VTA1: variants seen among roughly 807,000 people sequenced by gnomAD.
VTA1 encodes vacuolar protein sorting-associated protein VTA1 homolog.
VTA1 carries 24 observed loss-of-function variants against 36.9 expected under a neutral mutation model. The observed-to-expected ratio is 0.65, with a 90% CI of 0.47 to 0.91. The LOEUF is 0.91. Ranked by LOEUF, VTA1 falls within the 40% of genes least tolerant of loss-of-function variation. The pLI, the probability that VTA1 is intolerant of heterozygous loss-of-function variation, is 0.00. For missense variants in VTA1, 393 were observed against 377.2 expected (o/e 1.04, Z -0.35); for synonymous variants, 142 against 130.2 (o/e 1.09, Z -0.62).
intron 4 of VTA1, among the ~76,000 whole-genome samples, chr6:142,174,928 C>G (rs11961155): frequency 6.6e-6 from 1 of 152,146 alleles, no homozygotes; most frequent in South Asian, 2.1e-4. Flanking sequence ...AGAAGCCAAG[C>G]AGATGCTGGG....
intron 5 of VTA1, among the ~76,000 whole-genome samples, chr6:142,191,055 C>A (rs1775446568): frequency 6.6e-6 from 1 of 152,020 alleles, no homozygotes; most frequent in African/African-American, 2.4e-5. Context: ...TTTTATTATA[C>A]TGATAGGTTC....
chr6:142,181,094 A>AAAAAATATATATATATATATAT (rs1471429927), intron 4 of VTA1, among the ~76,000 whole-genome samples: 25 of 36,384 alleles, frequency 6.9e-4, no homozygotes, highest in South Asian at 1.4e-3. Flanking sequence ...AAAAAAAAAA[A>AAAAAATATATATATATATATAT]ATATATATAT....
intron 3 of VTA1, among the ~76,000 whole-genome samples, chr6:142,170,128 G>C (rs529180836): frequency 1.1e-4 from 16 of 152,154 alleles, no homozygotes; most frequent in African/African-American, 3.9e-4. Context: ...AAAAAATCTT[G>C]ACGTAGCGCA....
chr6:142,149,743 T>C (rs775876093), intron 1 of VTA1, among the ~76,000 whole-genome samples: 2 of 152,178 alleles, frequency 1.3e-5, no homozygotes, highest in Non-Finnish European at 2.9e-5. Flanking sequence ...GGACTTAACC[T>C]TCTGATTTTA....
intron 7 of VTA1, among the ~76,000 whole-genome samples, chr6:142,204,290 TAC>T (rs1437194804): frequency 6.6e-6 from 1 of 152,216 alleles, no homozygotes; most frequent in African/African-American, 2.4e-5. Flanking sequence ...CCCCTTTTGT[TAC>T]AGTTCTTTTT....
At chr6:142,203,134 C>G (rs1029377601) in intron 6 of VTA1, among the ~76,000 whole-genome samples, 3 of 151,960 alleles carry the variant, frequency 2.0e-5, no homozygotes, top group African/African-American at 7.2e-5. Context: ...TTCTAGAACT[C>G]TCAGTGGATA....
chr6:142,205,467 T>C (rs893660818), intron 7 of VTA1, among the ~76,000 whole-genome samples: 2 of 152,178 alleles, frequency 1.3e-5, no homozygotes, highest in Non-Finnish European at 2.9e-5. Flanking sequence ...CAAAATAATT[T>C]TTAAATATGT....
In VTA1 at chr6:142,222,435, A is replaced by G. The variant is rs955482108; in HGVS notation, c.*3792A>G. The G allele has an allele frequency of 6.6e-6, 1 of 152,222 alleles. No homozygotes were observed. The highest frequency in any genetic ancestry group is 6.5e-5 in the Admixed American group (1 of 15,292). 9.4% of individuals were successfully genotyped at this position (152,222 alleles called of 1,614,324 possible). On this transcript the variant is annotated 3_prime_UTR_variant, in exon 8 of 8. Coordinates refer to ENST00000367630, the MANE Select transcript of VTA1 (RefSeq NM_016485.5). The stretch of plus-strand genomic sequence containing the variant: ...AGCATGGCCTAGGAAGTTTACTGAC[A>G]TCAGGACTACACCAAGAAAAAGACT...
At position 142,220,034 on chromosome 6, in the gene VTA1, T is replaced by C. The variant is rs1776077638; in HGVS notation, c.*1391T>C. ...AAAACAAATCACTAACTCATAATCA[T>C]TTATATCCATTATTTTCTGCATAAA... On this transcript the variant is annotated 3_prime_UTR_variant, in exon 8 of 8. Transcript: ENST00000367630. 1 of 152,188 alleles carries C rather than the reference T, an allele frequency of 6.6e-6. No homozygotes were observed. Among genetic ancestry groups the C allele is most frequent in the African/African-American group, 2.4e-5 (1 of 41,444 alleles). 9.4% of individuals were successfully genotyped at this position (152,188 alleles called of 1,614,324 possible). A position where few individuals can be genotyped will look rare whatever the true frequency, so the allele number is the denominator to read the frequency against.
chr6:142,152,423 C>T (rs1200140633), intron 1 of VTA1, among the ~76,000 whole-genome samples: 2 of 151,886 alleles, frequency 1.3e-5, no homozygotes, highest in African/African-American at 4.8e-5. Context: ...GGTGATTTTG[C>T]TGTGTAACAT....
At chr6:142,185,936 T>A (rs1368966826) in intron 4 of VTA1, among the ~76,000 whole-genome samples, 3 of 152,206 alleles carry the variant, frequency 2.0e-5, no homozygotes, top group Non-Finnish European at 4.4e-5. Context: ...AAACAACAGA[T>A]AGACTCTGCT....
chr6:142,148,531 ATG>A (rs1440597716), intron 1 of VTA1, among the ~76,000 whole-genome samples: 1 of 152,150 alleles, frequency 6.6e-6, no homozygotes, highest in East Asian at 1.9e-4. Context: ...TTCATTCAGT[ATG>A]TGTTCATTGA....
chr6:142,197,289 T>C (rs1775570575), intron 5 of VTA1, among the ~76,000 whole-genome samples: 1 of 152,210 alleles, frequency 6.6e-6, no homozygotes, highest in Non-Finnish European at 1.5e-5. Context: ...AATTTAACTT[T>C]TTTTCTTGTT....
chr6:142,158,730 C>T (rs1408442031), intron 1 of VTA1, among the ~76,000 whole-genome samples: 4 of 151,992 alleles, frequency 2.6e-5, no homozygotes, highest in Admixed American at 1.3e-4. Flanking sequence ...TTTTGATAAT[C>T]GAAGTTCTTT....
chr6:142,149,884 T>G (rs1167368012), intron 1 of VTA1, among the ~76,000 whole-genome samples: 1 of 152,174 alleles, frequency 6.6e-6, no homozygotes, highest in Admixed American at 6.5e-5. Context: ...ATTTCTATTC[T>G]CTCATAAAAG....
chr6:142,181,078 GAAAAAAA>G (rs1162412059), intron 4 of VTA1, among the ~76,000 whole-genome samples: 4 of 51,300 alleles, frequency 7.8e-5, no homozygotes, highest in African/African-American at 2.8e-4. Flanking sequence ...AAATGGTACA[GAAAAAAA>G]AAAAAAAAAA....
intron 1 of VTA1, among the ~76,000 whole-genome samples, chr6:142,157,939 A>G (rs572754227): frequency 1.1e-3 from 164 of 147,244 alleles, no homozygotes; most frequent in African/African-American, 3.9e-3. Flanking sequence ...TGGAGGAGCA[A>G]TTCTTTGTTG....
chr6:142,198,095 T>TAA (rs1562266714), intron 5 of VTA1, among the ~76,000 whole-genome samples: 49 of 113,070 alleles, frequency 4.3e-4, no homozygotes, highest in African/African-American at 1.8e-3. Flanking sequence ...AGACTCCGTC[T>TAA]CAAAAAAAAA....
At chr6:142,212,187 CAT>C (rs1034877423) in intron 7 of VTA1, among the ~76,000 whole-genome samples, 4 of 152,190 alleles carry the variant, frequency 2.6e-5, no homozygotes, top group African/African-American at 9.7e-5. Flanking sequence ...GCTTTTAAAA[CAT>C]ATATTCATAT....
Sources: allele counts gnomAD v4.1 joint callset (sites outside exome capture counted in the v4.1 genomes callset), GRCh38; gene constraint gnomAD v4.1.1; transcripts MANE v1.5; gene names NCBI Gene and HGNC (gene_info 2026-07-23, HGNC 2026-07-21).